Variants in QTMAN observed in about 807,000 individuals in gnomAD.
The protein encoded by QTMAN is tRNA-queuosine alpha-mannosyltransferase.
At chr2:144,324,195 C>A in the QTMAN span, among the ~76,000 whole-genome samples, 122 of 152,238 alleles carry the variant, frequency 8.0e-4, no homozygotes, top group African/African-American at 2.8e-3. Flanking sequence ...CTTGCTATAC[C>A]ACGCAGGAGT....
At chr2:143,960,061 AT>A in the QTMAN span, among the ~76,000 whole-genome samples, 1 of 152,148 alleles carries the variant, frequency 6.6e-6, no homozygotes, top group Non-Finnish European at 1.5e-5. Flanking sequence ...ATATGTCTAC[AT>A]TAATAGGTAT....
the QTMAN span, among the ~76,000 whole-genome samples, chr2:144,260,312 T>G: frequency 6.6e-6 from 1 of 152,136 alleles, no homozygotes; most frequent in African/African-American, 2.4e-5. Context: ...TAGTTCTCCC[T>G]CTATAAATAT....
the QTMAN span, among the ~76,000 whole-genome samples, chr2:143,965,682 C>A: frequency 6.6e-6 from 1 of 152,142 alleles, no homozygotes; most frequent in Non-Finnish European, 1.5e-5. Flanking sequence ...ACCTACTAGA[C>A]GCCAGGAGCA....
At chr2:144,159,673 G>A in the QTMAN span, among the ~76,000 whole-genome samples, 1 of 152,092 alleles carries the variant, frequency 6.6e-6, no homozygotes, top group African/African-American at 2.4e-5. Flanking sequence ...TACTTTCATG[G>A]AGGTGGCATT....
chr2:144,234,063 C>T, the QTMAN span, among the ~76,000 whole-genome samples: 1 of 152,104 alleles, frequency 6.6e-6, no homozygotes, highest in South Asian at 2.1e-4. Context: ...ACTGTGTCAG[C>T]TGCTATTCTG....
the QTMAN span, among the ~76,000 whole-genome samples, chr2:143,979,331 G>A: frequency 2.3e-4 from 35 of 152,190 alleles, no homozygotes; most frequent in African/African-American, 8.2e-4. Flanking sequence ...GATAAAAACA[G>A]AAGACCCAAT....
chr2:144,193,405 T>C, the QTMAN span, among the ~76,000 whole-genome samples: 1 of 148,570 alleles, frequency 6.7e-6, no homozygotes, highest in Admixed American at 6.8e-5. Flanking sequence ...TATATATACA[T>C]TACATTATAT....
chr2:143,969,963 T>G, the QTMAN span, among the ~76,000 whole-genome samples: 1 of 152,306 alleles, frequency 6.6e-6, no homozygotes, highest in African/African-American at 2.4e-5. Context: ...GCTTGTACAT[T>G]TGATTTTTCA....
At chr2:144,311,194 T>C in the QTMAN span, among the ~76,000 whole-genome samples, 2 of 152,198 alleles carry the variant, frequency 1.3e-5, no homozygotes, top group African/African-American at 4.8e-5. Flanking sequence ...AAAGTGACAC[T>C]AGCATCAAGA....
chr2:144,266,575 A>T, the QTMAN span, among the ~76,000 whole-genome samples: 1 of 152,236 alleles, frequency 6.6e-6, no homozygotes, highest in South Asian at 2.1e-4. Flanking sequence ...TGGTTTTACA[A>T]ACATTAATCT....
the QTMAN span, among the ~76,000 whole-genome samples, chr2:143,948,783 T>C: frequency 6.6e-6 from 1 of 152,062 alleles, no homozygotes; most frequent in African/African-American, 2.4e-5. Flanking sequence ...AAGGAAGAAC[T>C]ATTGTTAGTT....
chr2:144,208,825 G>A, the QTMAN span: 194 of 1,407,836 alleles, frequency 1.4e-4, no homozygotes, highest in Non-Finnish European at 1.7e-4. Flanking sequence ...ACCAAAAAAT[G>A]TATATTTTTT....
the QTMAN span, among the ~76,000 whole-genome samples, chr2:144,283,336 A>G: frequency 6.6e-6 from 1 of 152,228 alleles, no homozygotes; most frequent in African/African-American, 2.4e-5. Flanking sequence ...TTGGTGTCAG[A>G]CAACCAGTCA....
the QTMAN span, among the ~76,000 whole-genome samples, chr2:144,170,161 C>T: frequency 6.6e-6 from 1 of 152,094 alleles, no homozygotes; most frequent in Non-Finnish European, 1.5e-5. Flanking sequence ...ATTTACAAAA[C>T]TAGTCCCTTA....
chr2:144,213,307 T>C, the QTMAN span, among the ~76,000 whole-genome samples: 6 of 152,326 alleles, frequency 3.9e-5, no homozygotes, highest in Non-Finnish European at 8.8e-5. Flanking sequence ...CTTTAGCATT[T>C]AGAACTGCTG....
the QTMAN span, chr2:143,957,239 A>T: frequency 1.5e-5 from 24 of 1,610,944 alleles, no homozygotes; most frequent in East Asian, 2.2e-5. Flanking sequence ...AGATGACAAC[A>T]TCAGCCATGC....
the QTMAN span, among the ~76,000 whole-genome samples, chr2:144,246,664 T>C: frequency 6.6e-6 from 1 of 152,098 alleles, no homozygotes; most frequent in East Asian, 1.9e-4. Context: ...AGTCTCAATT[T>C]ACTGTGTTCC....
chr2:144,230,067 A>G, the QTMAN span, among the ~76,000 whole-genome samples: 1 of 152,186 alleles, frequency 6.6e-6, no homozygotes, highest in African/African-American at 2.4e-5. Flanking sequence ...TATCATCTCA[A>G]CTTCAATTTC....
At chr2:144,067,873 T>C in the QTMAN span, among the ~76,000 whole-genome samples, 2 of 152,138 alleles carry the variant, frequency 1.3e-5, no homozygotes, top group African/African-American at 4.8e-5. Context: ...CCAACAATTA[T>C]CTTGTTCATG....
Sources: gnomAD v4.1 joint callset for allele counts (sites outside exome capture counted in the v4.1 genomes callset) on GRCh38, gnomAD v4.1.1 for gene constraint, MANE v1.5 for transcripts, NCBI Gene and HGNC (gene_info 2026-07-23, HGNC 2026-07-21) for gene names.